The following SCAPER variants were observed in gnomAD, a reference collection of about 807,000 sequenced individuals.
The protein encoded by SCAPER is S phase cyclin A-associated protein in the endoplasmic reticulum.
A neutral mutation model predicts 182.2 loss-of-function variants in SCAPER; 98 were observed. The observed-to-expected ratio is 0.54, with a 90% CI of 0.46 to 0.64. The LOEUF (loss-of-function observed/expected upper bound fraction) is 0.64, where lower values mean the gene tolerates loss of function less well. SCAPER is among the 30% of genes least tolerant of loss of function. SCAPER has a pLI of 0.00. For synonymous variants in SCAPER, 605 were observed against 564.6 expected (o/e 1.07, Z -1.01); for missense variants, 1,432 against 1,690.0 (o/e 0.85, Z 2.68).
At chr15:76,775,228 T>C in intron 8 of SCAPER, 111 bp from the exon 9 acceptor site, 1 of 902,914 alleles carries the variant, frequency 1.1e-6, no homozygotes, top group South Asian at 1.9e-5. Flanking sequence ...ATATAACTAA[T>C]ATACAAACAT....
At chr15:76,620,040 C>T (rs1371220305) in intron 22 of SCAPER, among the ~76,000 whole-genome samples, 1 of 152,100 alleles carries the variant, frequency 6.6e-6, no homozygotes, top group Non-Finnish European at 1.5e-5. Flanking sequence ...CATGCCACTG[C>T]CTTCCAGACT....
chr15:76,415,430 T>C (rs1204559524), intron 26 of SCAPER, among the ~76,000 whole-genome samples: 1 of 152,148 alleles, frequency 6.6e-6, no homozygotes, highest in Non-Finnish European at 1.5e-5. Flanking sequence ...TTTTACTACC[T>C]CATTGCTTGA....
chr15:76,566,760 A>G (rs917497337), intron 23 of SCAPER, among the ~76,000 whole-genome samples: 2 of 152,128 alleles, frequency 1.3e-5, no homozygotes, highest in African/African-American at 2.4e-5. Flanking sequence ...CAATTTTGAA[A>G]TAACATTTCT....
intron 29 of SCAPER, among the ~76,000 whole-genome samples, chr15:76,372,428 T>C (rs2141855279): frequency 6.6e-6 from 1 of 152,288 alleles, no homozygotes; most frequent in South Asian, 2.1e-4. Flanking sequence ...TCTCCAAATA[T>C]GAGTCACCCA....
chr15:76,459,068 T>C (rs934728219), intron 25 of SCAPER, among the ~76,000 whole-genome samples: 1 of 151,926 alleles, frequency 6.6e-6, no homozygotes, highest in African/African-American at 2.4e-5. Flanking sequence ...CAAATTCTTT[T>C]TTATTTTTTG....
chr15:76,370,386 C>T (rs1031911513), intron 29 of SCAPER, among the ~76,000 whole-genome samples: 2 of 148,506 alleles, frequency 1.3e-5, no homozygotes, highest in African/African-American at 5.1e-5. Context: ...CTCACTGCAA[C>T]CTCTGCCTCC....
intron 21 of SCAPER, among the ~76,000 whole-genome samples, chr15:76,636,964 T>C (rs1205078718): frequency 2.0e-5 from 3 of 152,148 alleles, no homozygotes; most frequent in African/African-American, 4.8e-5. Flanking sequence ...AACTTTAGCA[T>C]TATTCCTGCC....
intron 26 of SCAPER, among the ~76,000 whole-genome samples, chr15:76,407,514 T>C (rs8030411): frequency 0.4 from 60,383 of 152,090 alleles, 14,265 homozygotes; most frequent in Middle Eastern, 0.56. Flanking sequence ...CAAGCTAAGG[T>C]TCTAAAAGAG....
intron 20 of SCAPER, among the ~76,000 whole-genome samples, chr15:76,698,058 A>G (rs577455140): frequency 1.3e-5 from 2 of 152,174 alleles, no homozygotes; most frequent in Non-Finnish European, 2.9e-5. Context: ...AGTTCTTAAC[A>G]GAAAATTCAA....
In SCAPER at chr15:76,477,865, T is replaced by C. The variant is rs919155054; in HGVS notation, c.2955-6530A>G. On this transcript the variant is annotated intron_variant, in intron 24 of 31. Transcript: ENST00000563290. ...TTCCTTATTTATTTATAAGGCTCTTTACTGATAATATAGATGTTAACCCTT... is the reference window on the plus strand; with the variant it reads ...TTCCTTATTTATTTATAAGGCTCTTCACTGATAATATAGATGTTAACCCTT... Among the ~76,000 whole-genome samples the C allele has an allele frequency of 2.6e-5, 4 of 152,092 alleles. No individual in the cohort carries two copies. The East Asian group carries it at 7.7e-4, about 29-fold the overall frequency.
intron 25 of SCAPER, among the ~76,000 whole-genome samples, chr15:76,458,518 G>A (rs1028905551): frequency 6.6e-6 from 1 of 151,930 alleles, no homozygotes; most frequent in African/African-American, 2.4e-5. Context: ...TGGAGTTTCT[G>A]AGCTTCTCTT....
At chr15:76,472,198 C>G in intron 24 of SCAPER, 1 of 509,400 alleles carries the variant, frequency 2.0e-6, no homozygotes, top group Non-Finnish European at 3.8e-6. Flanking sequence ...CCTGCTCCTC[C>G]AAAGCCAGAG....
chr15:76,352,515 T>C (rs2040641165), intron 30 of SCAPER, among the ~76,000 whole-genome samples: 1 of 149,660 alleles, frequency 6.7e-6, no homozygotes, highest in Non-Finnish European at 1.5e-5. Flanking sequence ...GGAGTCTCGC[T>C]CTGTCACTCA....
At chr15:76,610,372 T>A (rs2050866995) in intron 22 of SCAPER, among the ~76,000 whole-genome samples, 1 of 152,082 alleles carries the variant, frequency 6.6e-6, no homozygotes, top group Non-Finnish European at 1.5e-5. Context: ...TCCTCCAAGA[T>A]TAGGAATAAG....
intron 15 of SCAPER, among the ~76,000 whole-genome samples, chr15:76,733,985 T>C (rs2061082305): frequency 6.6e-6 from 1 of 152,228 alleles, no homozygotes; most frequent in Non-Finnish European, 1.5e-5. Flanking sequence ...CAATTTTAAA[T>C]TCTTATACAG....
chr15:76,490,039 C>T (rs146332714), intron 24 of SCAPER, among the ~76,000 whole-genome samples: 98 of 152,252 alleles, frequency 6.4e-4, no homozygotes, highest in African/African-American at 2.2e-3. Flanking sequence ...GTCTACTCAT[C>T]TGAATGTCAA....
At chr15:76,392,428 C>T (rs556154464) in intron 27 of SCAPER, among the ~76,000 whole-genome samples, 1 of 152,238 alleles carries the variant, frequency 6.6e-6, no homozygotes, top group South Asian at 2.1e-4. Flanking sequence ...ATGTGAACAA[C>T]AGGCTTTGAA....
chr15:76,560,743 C>T (rs1037145618), intron 23 of SCAPER, among the ~76,000 whole-genome samples: 9 of 152,276 alleles, frequency 5.9e-5, no homozygotes, highest in Middle Eastern at 3.4e-3. Flanking sequence ...TATCCATTTA[C>T]GACTTTGTAG....
chr15:76,679,492 T>C (rs879717211), intron 20 of SCAPER, among the ~76,000 whole-genome samples: 10 of 152,234 alleles, frequency 6.6e-5, no homozygotes, highest in Admixed American at 3.9e-4. Context: ...CAATGACAAC[T>C]TCTGAAAATA....
Sources: allele counts gnomAD v4.1 joint callset (sites outside exome capture counted in the v4.1 genomes callset), GRCh38; gene constraint gnomAD v4.1.1; transcripts MANE v1.5; gene names NCBI Gene and HGNC (gene_info 2026-07-23, HGNC 2026-07-21).